Variants in RBFOX1 observed in about 807,000 individuals in gnomAD.
RBFOX1 encodes RNA binding protein fox-1 homolog 1.
A neutral mutation model predicts 57.7 loss-of-function variants in RBFOX1; 8 were observed. The ratio of observed to expected loss-of-function variants is 0.14; its 90% CI spans 0.08 to 0.25. The LOEUF (loss-of-function observed/expected upper bound fraction) is 0.25, where lower values mean the gene tolerates loss of function less well. Ranked by LOEUF, RBFOX1 falls within the 10% of genes least tolerant of loss-of-function variation. The pLI, the probability that RBFOX1 is intolerant of heterozygous loss-of-function variation, is 1.00. For missense variants in RBFOX1, 611 were observed against 548.5 expected (o/e 1.11, Z -1.14); for synonymous variants, 326 against 222.4 (o/e 1.47, Z -4.15).
chr16:6,483,989 G>C (rs2095419917), intron 2 of RBFOX1: 1 of 1,009,868 alleles, frequency 9.9e-7, no homozygotes, highest in Admixed American at 5.2e-5. Context: ...CCCGTGGTGG[G>C]GGTGGTCTGG....
At chr16:6,504,222 C>T (rs904102159) in intron 2 of RBFOX1, among the ~76,000 whole-genome samples, 4 of 152,174 alleles carry the variant, frequency 2.6e-5, no homozygotes, top group African/African-American at 7.2e-5. Context: ...CTAGCACCAA[C>T]GGTGTTCTGA....
chr16:5,511,349 T>G (rs1020441051), intron 2 of RBFOX1, among the ~76,000 whole-genome samples: 1 of 152,246 alleles, frequency 6.6e-6, no homozygotes, highest in African/African-American at 2.4e-5. Flanking sequence ...GTCTTTGGGC[T>G]CTGTTTTCTC....
intron 3 of RBFOX1, among the ~76,000 whole-genome samples, chr16:5,704,286 C>T (rs1284970329): frequency 6.6e-6 from 1 of 152,126 alleles, no homozygotes; most frequent in Non-Finnish European, 1.5e-5. Context: ...CCAAACTCCT[C>T]TGGAGGAACT....
intron 4 of RBFOX1, among the ~76,000 whole-genome samples, chr16:7,303,591 TA>T (rs886660990): frequency 6.6e-6 from 1 of 151,734 alleles, no homozygotes; most frequent in Non-Finnish European, 1.5e-5. Flanking sequence ...AAATAATTTT[TA>T]AAAAAAGCGA....
At chr16:7,304,290 TAAAA>T in intron 4 of RBFOX1, 1 of 973,344 alleles carries the variant, frequency 1.0e-6, no homozygotes, top group Non-Finnish European at 1.2e-6. Flanking sequence ...CCAGCAAAAT[TAAAA>T]AAGAAAAAAA....
At chr16:7,126,565 G>C (rs1246034252) in intron 4 of RBFOX1, 2 of 204,650 alleles carry the variant, frequency 9.8e-6, no homozygotes, top group South Asian at 9.3e-5. Context: ...GCTGGGCACA[G>C]TTCGTGCAGC....
intron 3 of RBFOX1, among the ~76,000 whole-genome samples, chr16:5,829,764 G>A (rs750086123): frequency 2.0e-5 from 3 of 152,158 alleles, no homozygotes; most frequent in Non-Finnish European, 4.4e-5. Flanking sequence ...AAATGCACCT[G>A]TTGCCCCAAA....
intron 4 of RBFOX1, among the ~76,000 whole-genome samples, chr16:7,166,805 C>T (rs9927228): frequency 1.2e-4 from 18 of 151,908 alleles, no homozygotes; most frequent in African/African-American, 4.4e-4. Context: ...GAGTGCTGCT[C>T]CAACCCATGC....
Position 6,448,156 on chromosome 16 carries a change from C to CTT in RBFOX1, c.-64+131119_-64+131120dup, listed in dbSNP as rs397969435. Reference sequence around the variant, plus strand: ...TTCTTTTTTTTCTTTTCTTTTCTTTCTTTTTTTTTTTTTTTTTTTTTGAGA... The same window carrying CTT: ...TTCTTTTTTTTCTTTTCTTTTCTTTCTTTTTTTTTTTTTTTTTTTTTTTGAGA... On this transcript the variant is annotated intron_variant, in intron 2 of 15. Transcript: ENST00000550418. Among the ~76,000 whole-genome samples, 437 of 78,416 alleles carry CTT rather than the reference C, an allele frequency of 5.6e-3. 30 individuals carry two copies. The highest frequency in any genetic ancestry group is 0.016 in the African/African-American group (293 of 17,810). 51.4% of individuals were successfully genotyped at this position (78,416 alleles called of 152,430 possible).
intron 2 of RBFOX1, among the ~76,000 whole-genome samples, chr16:5,526,952 G>C (rs1168699318): frequency 6.6e-6 from 1 of 152,212 alleles, no homozygotes; most frequent in Non-Finnish European, 1.5e-5. Context: ...AAATGGGAGT[G>C]ATGACAGCAA....
chr16:6,923,284 A>G (rs1289195143), intron 3 of RBFOX1, among the ~76,000 whole-genome samples: 1 of 152,148 alleles, frequency 6.6e-6, no homozygotes, highest in Non-Finnish European at 1.5e-5. Flanking sequence ...CTATAATCCC[A>G]GAACTTTGGG....
chr16:6,120,580 C>T (rs1014884546), intron 1 of RBFOX1, among the ~76,000 whole-genome samples: 22 of 152,080 alleles, frequency 1.4e-4, no homozygotes, highest in Admixed American at 6.6e-4. Context: ...ATACCTACCC[C>T]GTGTTTGTTA....
chr16:6,792,346 G>C (rs897778518), intron 3 of RBFOX1, among the ~76,000 whole-genome samples: 1 of 152,138 alleles, frequency 6.6e-6, no homozygotes, highest in Non-Finnish European at 1.5e-5. Context: ...AGTCCTTTCA[G>C]CATTTTAGGA....
intron 3 of RBFOX1, among the ~76,000 whole-genome samples, chr16:6,864,130 G>C (rs2142841134): frequency 6.6e-6 from 1 of 152,012 alleles, no homozygotes; most frequent in East Asian, 1.9e-4. Context: ...AGTCTCTTTA[G>C]CAGGAAGAAG....
At chr16:6,801,460 G>C (rs1377269755) in intron 3 of RBFOX1, among the ~76,000 whole-genome samples, 1 of 152,128 alleles carries the variant, frequency 6.6e-6, no homozygotes, top group Non-Finnish European at 1.5e-5. Flanking sequence ...TAGCCTAATA[G>C]CAAATATAAA....
chr16:7,384,167 C>A (rs1403070967), intron 4 of RBFOX1, among the ~76,000 whole-genome samples: 1 of 151,400 alleles, frequency 6.6e-6, no homozygotes, highest in Non-Finnish European at 1.5e-5. Flanking sequence ...CTTATCTGTG[C>A]TTTTCATATA....
At chr16:7,259,498 G>T (rs1158749947) in intron 4 of RBFOX1, among the ~76,000 whole-genome samples, 1 of 151,434 alleles carries the variant, frequency 6.6e-6, no homozygotes, top group Non-Finnish European at 1.5e-5. Flanking sequence ...TACAAATACT[G>T]CTTTGAACAC....
chr16:7,582,848 A>G (rs2093882296), intron 6 of RBFOX1, among the ~76,000 whole-genome samples: 1 of 152,140 alleles, frequency 6.6e-6, no homozygotes, highest in Non-Finnish European at 1.5e-5. Context: ...AAATATAGGC[A>G]TGGGATTTCA....
intron 3 of RBFOX1, among the ~76,000 whole-genome samples, chr16:6,894,102 A>T (rs1427948548): frequency 6.6e-6 from 1 of 152,210 alleles, no homozygotes; most frequent in Non-Finnish European, 1.5e-5. Context: ...AGATAGACGA[A>T]CAGATACAAA....
Sources: allele counts gnomAD v4.1 joint callset (sites outside exome capture counted in the v4.1 genomes callset), GRCh38; gene constraint gnomAD v4.1.1; transcripts MANE v1.5; gene names NCBI Gene and HGNC (gene_info 2026-07-23, HGNC 2026-07-21).